The following GRM7 variants were observed in gnomAD, a reference collection of about 807,000 sequenced individuals.
The protein encoded by GRM7 is metabotropic glutamate receptor 7.
A neutral mutation model predicts 84.5 loss-of-function variants in GRM7; 35 were observed. That is an observed-to-expected ratio of 0.41 (90% CI 0.32 to 0.55). The LOEUF (loss-of-function observed/expected upper bound fraction) is 0.55. GRM7 is among the 20% of genes least tolerant of loss of function. The pLI, the probability that GRM7 is intolerant of heterozygous loss-of-function variation, is 0.19. For synonymous variants in GRM7, 487 were observed against 455.1 expected, an observed-to-expected ratio of 1.07 and a Z score of -0.89; for missense variants, 1,003 against 1,194.6, an observed-to-expected ratio of 0.84 and a Z score of 2.36.
chr3:7,313,514 C>A (rs1360833294), intron 4 of GRM7, among the ~76,000 whole-genome samples: 1 of 152,098 alleles, frequency 6.6e-6, no homozygotes, highest in Non-Finnish European at 1.5e-5. Flanking sequence ...AAATACCTTT[C>A]TTATTCACCT....
At chr3:7,152,799 G>A (rs893260339) in intron 2 of GRM7, among the ~76,000 whole-genome samples, 2 of 152,124 alleles carry the variant, frequency 1.3e-5, no homozygotes, top group Non-Finnish European at 2.9e-5. Context: ...ATCACTAATT[G>A]TGTAAGTTCT....
chr3:7,269,938 T>C (rs1312427481), intron 2 of GRM7, among the ~76,000 whole-genome samples: 1 of 152,112 alleles, frequency 6.6e-6, no homozygotes, highest in African/African-American at 2.4e-5. Flanking sequence ...TCCCCTAATC[T>C]TTTGTGTTTT....
chr3:7,196,497 A>AGGGG (rs1232926863), intron 2 of GRM7, among the ~76,000 whole-genome samples: 3 of 152,110 alleles, frequency 2.0e-5, no homozygotes, highest in Non-Finnish European at 2.9e-5. Context: ...CTTCAAAGAC[A>AGGGG]GGGACCGTCT....
At chr3:7,460,725 C>G (rs1296187140) in intron 6 of GRM7, among the ~76,000 whole-genome samples, 1 of 152,144 alleles carries the variant, frequency 6.6e-6, no homozygotes. Context: ...CTGAAACTAA[C>G]AAAAACTCAT....
chr3:7,047,799 G>T (rs1379619971), intron 1 of GRM7, among the ~76,000 whole-genome samples: 7 of 152,012 alleles, frequency 4.6e-5, no homozygotes, highest in African/African-American at 1.7e-4. Context: ...TTATCCTAAA[G>T]CTTGAGTAAT....
intron 7 of GRM7, among the ~76,000 whole-genome samples, chr3:7,536,990 G>C (rs1382715510): frequency 6.6e-6 from 1 of 152,152 alleles, no homozygotes; most frequent in African/African-American, 2.4e-5. Flanking sequence ...CTGAAATGTT[G>C]CTTCCATGGG....
Position 7,680,227 on chromosome 3 carries a change from C to T in GRM7, c.2630C>T (p.Ser877Leu). Residue 877 changes from serine to leucine, a missense_variant, in exon 9 of 10, where the codon TCA (serine) becomes TTA (leucine). Physicochemically the swap from Ser to Leu is moderately radical, Grantham distance 145. Coordinates refer to ENST00000357716, the MANE Select transcript of GRM7 (RefSeq NM_000844.4). ...GCAGCCACCATGTCATCGAGGCTGT[C>T]ACACAAACCCAGTGACAGACCCAAC... is the stretch of plus-strand genomic sequence containing the variant. Reference protein sequence around the residue: ...VTAATMSSRLSHKPSDRPNGE... With the variant: ...VTAATMSSRLLHKPSDRPNGE... The T allele has an allele frequency of 6.2e-7, 1 of 1,614,038 alleles. No homozygotes were observed.
At chr3:7,304,480 T>C (rs1181425112) in intron 3 of GRM7, among the ~76,000 whole-genome samples, 4 of 151,820 alleles carry the variant, frequency 2.6e-5, no homozygotes, top group Non-Finnish European at 5.9e-5. Context: ...GTTTTTAAAC[T>C]TGAAAATTTG....
chr3:7,532,981 AG>A (rs1701103880), intron 7 of GRM7, among the ~76,000 whole-genome samples: 2 of 152,056 alleles, frequency 1.3e-5, no homozygotes, highest in South Asian at 4.1e-4. Context: ...CCAGTACAGG[AG>A]CACCCAGATT....
chr3:7,231,389 T>G (rs557181290), intron 2 of GRM7, among the ~76,000 whole-genome samples: 4 of 152,314 alleles, frequency 2.6e-5, no homozygotes, highest in Admixed American at 6.5e-5. Context: ...CTCCAACAGA[T>G]GAACATATGG....
At chr3:7,518,756 A>G (rs2124987540) in intron 7 of GRM7, among the ~76,000 whole-genome samples, 1 of 152,364 alleles carries the variant, frequency 6.6e-6, no homozygotes, top group Non-Finnish European at 1.5e-5. Context: ...GAAGGTTAGC[A>G]GTAAATGGAA....
At chr3:6,936,789 T>C (rs1344041094) in intron 1 of GRM7, among the ~76,000 whole-genome samples, 1 of 152,206 alleles carries the variant, frequency 6.6e-6, no homozygotes, top group East Asian at 1.9e-4. Context: ...AGTAGATACT[T>C]CATCATTTGT....
intron 8 of GRM7, among the ~76,000 whole-genome samples, chr3:7,645,963 G>A (rs978106103): frequency 1.3e-5 from 2 of 152,230 alleles, no homozygotes; most frequent in East Asian, 3.9e-4. Flanking sequence ...TAATCAGAAG[G>A]ACTTTTTGCT....
intron 1 of GRM7, among the ~76,000 whole-genome samples, chr3:6,890,174 A>G (rs1320453683): frequency 6.6e-5 from 10 of 152,094 alleles, no homozygotes; most frequent in African/African-American, 2.2e-4. Context: ...GATCCTTTCA[A>G]AAAACCAGCT....
At chr3:7,033,437 C>T (rs903687099) in intron 1 of GRM7, among the ~76,000 whole-genome samples, 2 of 152,018 alleles carry the variant, frequency 1.3e-5, no homozygotes, top group African/African-American at 2.4e-5. Context: ...TTTTGTGTTG[C>T]TATTTAGGGA....
intron 7 of GRM7, among the ~76,000 whole-genome samples, chr3:7,517,058 C>A (rs1700417882): frequency 6.6e-6 from 1 of 152,110 alleles, no homozygotes; most frequent in East Asian, 1.9e-4. Flanking sequence ...AGGGCTATGG[C>A]ATGCTTTCTT....
chr3:7,466,118 A>C (rs938060256), intron 7 of GRM7, among the ~76,000 whole-genome samples: 1 of 152,256 alleles, frequency 6.6e-6, no homozygotes, highest in South Asian at 2.1e-4. Flanking sequence ...TTTATGAAAT[A>C]CTCTTCCTGG....
intron 1 of GRM7, among the ~76,000 whole-genome samples, chr3:7,114,100 A>G (rs1692950620): frequency 6.6e-6 from 1 of 152,194 alleles, no homozygotes; most frequent in Non-Finnish European, 1.5e-5. Flanking sequence ...TGGCAAGTAA[A>G]GATGTGTGAC....
At chr3:7,125,971 C>A (rs1011530944) in intron 1 of GRM7, among the ~76,000 whole-genome samples, 1 of 152,186 alleles carries the variant, frequency 6.6e-6, no homozygotes. Flanking sequence ...TGAATTGTCA[C>A]CTTCCCCTCA....
Sources: gnomAD v4.1 joint callset for allele counts (sites outside exome capture counted in the v4.1 genomes callset) on GRCh38, gnomAD v4.1.1 for gene constraint, MANE v1.5 for transcripts, NCBI Gene and HGNC (gene_info 2026-07-23, HGNC 2026-07-21) for gene names.